Variants in HERC2 observed in about 807,000 individuals in gnomAD.
The protein encoded by HERC2 is HECT and RLD domain containing E3 ubiquitin protein ligase 2, also known as E3 ubiquitin-protein ligase HERC2.
Under a neutral mutation model 537.7 loss-of-function variants are expected in HERC2, and 102 were observed. The observed-to-expected ratio is 0.19, with a 90% CI of 0.16 to 0.22. The LOEUF is 0.22. Among genes scored for constraint, HERC2 ranks in the 10% least tolerant of loss-of-function variants. The pLI, the probability that HERC2 is intolerant of heterozygous loss-of-function variation, is 1.00. For missense variants in HERC2, 4,236 were observed against 6,198.2 expected (o/e 0.68, Z 10.63); for synonymous variants, 2,224 against 2,466.2 (o/e 0.90, Z 2.91).
intron 4 of HERC2, among the ~76,000 whole-genome samples, chr15:28,288,398 T>C (rs1258761981): frequency 1.4e-5 from 2 of 142,180 alleles, no homozygotes; most frequent in African/African-American, 5.2e-5. Context: ...TGGTGGCGTA[T>C]GCCTGTAATC....
chr15:28,276,461 T>C (rs1157118251), intron 5 of HERC2, among the ~76,000 whole-genome samples: 2 of 151,976 alleles, frequency 1.3e-5, no homozygotes, highest in Admixed American at 6.6e-5. Context: ...GGACACACAG[T>C]CCTTACAAGA....
At chr15:28,211,291 G>A in intron 43 of HERC2, 146 bp from the exon 44 acceptor site, 1 of 604,758 alleles carries the variant, frequency 1.7e-6, no homozygotes, top group Non-Finnish European at 3.0e-6. Flanking sequence ...CGAAGGGCTT[G>A]CCTTTCCCAG....
At chr15:28,230,564 A>C (rs34234048) in intron 30 of HERC2, 64 bp from the exon 31 acceptor site, 1 of 1,091,230 alleles carries the variant, frequency 9.2e-7, no homozygotes, top group Non-Finnish European at 1.3e-6. Context: ...TAAATTAAGA[A>C]ATACTTAGAT....
At chr15:28,208,065 T>C (rs189091088) in intron 44 of HERC2, among the ~76,000 whole-genome samples, 37 of 152,284 alleles carry the variant, frequency 2.4e-4, no homozygotes, top group African/African-American at 8.7e-4. Context: ...CCAATCCAAT[T>C]CCCAGGCTCC....
intron 65 of HERC2, among the ~76,000 whole-genome samples, chr15:28,174,141 G>A (rs1894993956): frequency 6.6e-6 from 1 of 152,150 alleles, no homozygotes; most frequent in Non-Finnish European, 1.5e-5. Context: ...TAGGAGTCCT[G>A]TTCACACAGA....
rs1245740845 is a variant in HERC2, at chr15:28,322,112, C to T, written c.-69G>A. ...GCCCGGCCGCCTCGCCTCGCCGGCG[C>T]GCGGACGCAGCCTCCCAAGAGCCGC... On this transcript the variant is annotated 5_prime_UTR_variant, in exon 1 of 93. Coordinates refer to ENST00000261609, the MANE Select transcript of HERC2 (RefSeq NM_004667.6). The T allele has an allele frequency of 1.3e-5, 1 of 79,594 alleles. No homozygotes were observed. 4.9% of individuals were successfully genotyped at this position (79,594 alleles called of 1,614,324 possible).
intron 78 of HERC2, among the ~76,000 whole-genome samples, chr15:28,137,214 A>G (rs768997527): frequency 4.6e-5 from 7 of 152,216 alleles, no homozygotes; most frequent in Non-Finnish European, 1.0e-4. Flanking sequence ...GAGAATTGAC[A>G]CAGAGGGGCT....
chr15:28,123,935 G>T, intron 85 of HERC2, 102 bp downstream of exon 85: 1 of 911,044 alleles, frequency 1.1e-6, no homozygotes, highest in Non-Finnish European at 1.6e-6. Context: ...TTTGCTGAAT[G>T]AGCTGTATTC....
intron 9 of HERC2, among the ~76,000 whole-genome samples, chr15:28,271,239 C>G (rs995503732): frequency 7.9e-5 from 12 of 152,236 alleles, no homozygotes; most frequent in African/African-American, 2.9e-4. Context: ...GCCTTGAAAT[C>G]TAAAACCAAA....
intron 2 of HERC2, among the ~76,000 whole-genome samples, chr15:28,317,634 G>A (rs1474534798): frequency 6.6e-6 from 1 of 152,198 alleles, no homozygotes; most frequent in Non-Finnish European, 1.5e-5. Context: ...ATTAGTGGTT[G>A]TCAGGAGTTA....
At chr15:28,130,741 A>T in intron 81 of HERC2, 147 bp from the exon 82 acceptor site, 1 of 697,918 alleles carries the variant, frequency 1.4e-6, no homozygotes. Flanking sequence ...ATCATATTCC[A>T]CTTAATCTCA....
chr15:28,204,970 G>A (rs899093095), intron 45 of HERC2, among the ~76,000 whole-genome samples: 11 of 151,718 alleles, frequency 7.3e-5, no homozygotes, highest in African/African-American at 2.4e-4. Context: ...TTTGGTAGGG[G>A]AACAAAAATC....
At chr15:28,310,521 G>A (rs1183344613) in intron 2 of HERC2, among the ~76,000 whole-genome samples, 1 of 151,978 alleles carries the variant, frequency 6.6e-6, no homozygotes, top group Non-Finnish European at 1.5e-5. Context: ...AAAACATTCA[G>A]GGCCCCTGAA....
intron 25 of HERC2, 31 bp downstream of exon 25, chr15:28,238,083 C>G (rs778512288): frequency 1.1e-5 from 14 of 1,298,454 alleles, no homozygotes; most frequent in Admixed American, 3.4e-5. Flanking sequence ...CCCCTGCCAT[C>G]CTCTGCATCA....
chr15:28,255,230 G>A (rs1297071802), intron 19 of HERC2, among the ~76,000 whole-genome samples: 1 of 152,286 alleles, frequency 6.6e-6, no homozygotes, highest in East Asian at 1.9e-4. Flanking sequence ...TGCAAAACAG[G>A]AGGCTGAGGT....
At chr15:28,288,663 C>A (rs202043474) in intron 4 of HERC2, among the ~76,000 whole-genome samples, 1 of 149,804 alleles carries the variant, frequency 6.7e-6, no homozygotes, top group South Asian at 2.1e-4. Context: ...CTGGCAAACA[C>A]AGTGAAACCC....
intron 20 of HERC2, among the ~76,000 whole-genome samples, chr15:28,249,902 G>A (rs901406743): frequency 5.4e-5 from 8 of 148,924 alleles, no homozygotes; most frequent in Non-Finnish European, 8.9e-5. Context: ...TGATTCACCC[G>A]CCTCAGCCTC....
intron 34 of HERC2, 89 bp from the exon 35 acceptor site, chr15:28,228,498 C>G (rs551649282): frequency 2.4e-6 from 3 of 1,234,870 alleles, no homozygotes; most frequent in Admixed American, 4.0e-5. Flanking sequence ...CTCTAAACAT[C>G]TGACTATTTT....
chr15:28,124,187 C>A lies in HERC2; in HGVS notation c.13038G>T (p.Leu4346=). Reference sequence around the variant, plus strand: ...GGTGCAGCAGCAGCAGACGGTTCCTCAGCGCAATGATGGGGATCTCCTGCA... The same window carrying A: ...GGTGCAGCAGCAGCAGACGGTTCCTAAGCGCAATGATGGGGATCTCCTGCA... The part of the protein sequence containing the change: ...NHLQEIPIIA[L]RNRLLLLHHL... Residue 4346 remains leucine (L), a synonymous_variant, in exon 85 of 93, where the codon CTG becomes CTT. Transcript: ENST00000261609. 6.4e-7 allele frequency: 1 copy of A among 1,559,020 alleles called. No individual in the cohort carries two copies. The highest frequency in any genetic ancestry group is 8.7e-7 in the Non-Finnish European group (1 of 1,150,250).
Sources: allele counts gnomAD v4.1 joint callset (sites outside exome capture counted in the v4.1 genomes callset), GRCh38; gene constraint gnomAD v4.1.1; transcripts MANE v1.5; gene names NCBI Gene and HGNC (gene_info 2026-07-23, HGNC 2026-07-21).